Variants in DIAPH2 observed in about 807,000 individuals in gnomAD.
DIAPH2 encodes the protein protein diaphanous homolog 2.
DIAPH2 carries 35 observed loss-of-function variants against 92.7 expected under a neutral mutation model. That is an observed-to-expected ratio of 0.38 (90% CI 0.29 to 0.50). DIAPH2 has a LOEUF of 0.50. Among genes scored for constraint, DIAPH2 ranks in the 20% least tolerant of loss-of-function variants. The pLI, the probability that DIAPH2 is intolerant of heterozygous loss-of-function variation, is 0.94. For synonymous variants in DIAPH2, 301 were observed against 280.4 expected (o/e 1.07, Z -0.73); for missense variants, 701 against 819.5 (o/e 0.86, Z 1.77).
chrX:97,077,618 G>A (rs2066713993), intron 19 of DIAPH2, among the ~76,000 whole-genome samples: 1 of 111,773 alleles, frequency 8.9e-6, no homozygotes, highest in African/African-American at 3.3e-5. Flanking sequence ...TGGGTCAATA[G>A]GCTCTTGCTG....
At chrX:97,222,800 G>A (rs1036581901) in intron 22 of DIAPH2, among the ~76,000 whole-genome samples, 30 of 111,306 alleles carry the variant, frequency 2.7e-4, no homozygotes, top group Middle Eastern at 4.7e-3. Flanking sequence ...GGAGATTATA[G>A]TTTGGTTTGT....
chrX:97,408,897 C>T (rs1226312053), intron 25 of DIAPH2, among the ~76,000 whole-genome samples: 1 of 111,527 alleles, frequency 9.0e-6, no homozygotes, highest in Non-Finnish European at 1.9e-5. Context: ...GTTGAAGAAG[C>T]CAAAGAAAAA....
At chrX:96,787,281 AGG>A in intron 4 of DIAPH2, among the ~76,000 whole-genome samples, 1 of 111,823 alleles carries the variant, frequency 8.9e-6, no homozygotes, top group Non-Finnish European at 1.9e-5. Flanking sequence ...TATTAGTTTC[AGG>A]TAATTTAAAT....
chrX:97,107,263 C>T (rs1229030751), intron 20 of DIAPH2, among the ~76,000 whole-genome samples: 2 of 111,354 alleles, frequency 1.8e-5, no homozygotes, highest in Non-Finnish European at 3.8e-5. Flanking sequence ...CCACTGCACC[C>T]AGCCTACATC....
At chrX:96,897,028 G>A (rs1003615595) in intron 5 of DIAPH2, among the ~76,000 whole-genome samples, 2 of 111,429 alleles carry the variant, frequency 1.8e-5, no homozygotes, top group African/African-American at 6.5e-5. Context: ...TTGAATATTC[G>A]TTGTATTTAT....
At chrX:97,300,931 TAAAAAAAAAA>T (rs774601881) in intron 23 of DIAPH2, among the ~76,000 whole-genome samples, 1 of 10,798 alleles carries the variant, frequency 9.3e-5, no homozygotes, top group Non-Finnish European at 1.6e-4. Context: ...GACTCCGTCT[TAAAAAAAAAA>T]AAAAAAAAAA....
chrX:97,510,353 GTTGT>G (rs1413137263), intron 26 of DIAPH2, among the ~76,000 whole-genome samples: 31 of 111,570 alleles, frequency 2.8e-4, no homozygotes, highest in Non-Finnish European at 4.9e-4. Context: ...TTTTGATGGT[GTTGT>G]TTGTTTTTTT....
chrX:96,829,596 T>C (rs1389939380), intron 4 of DIAPH2, among the ~76,000 whole-genome samples: 4 of 110,482 alleles, frequency 3.6e-5, no homozygotes, highest in African/African-American at 1.3e-4. Flanking sequence ...TGGGTTCAAG[T>C]GAATCTCCTG....
At chrX:97,581,110 C>A (rs1259023600) in intron 26 of DIAPH2, among the ~76,000 whole-genome samples, 1 of 103,446 alleles carries the variant, frequency 9.7e-6, no homozygotes, top group Non-Finnish European at 2.0e-5. Context: ...TTGATCCTTT[C>A]AAAAAACCAG....
rs746741836 is a variant in DIAPH2, at chrX:97,141,718, C to T, written c.2643C>T (p.Ala881=). Residue 881 remains alanine (A), a synonymous_variant, in exon 22 of 27, where the codon GCC becomes GCT. Coordinates refer to ENST00000324765, the MANE Select transcript of DIAPH2 (RefSeq NM_006729.5). The part of the protein sequence containing the change: ...DQKTTLLHFI[A]DICEEKYRDI... ...AAACAACCCTTTTGCATTTTATTGC[C>T]GACATTTGTGAGGAAAAATATCGAG... The T allele has an allele frequency of 1.2e-5, 15 of 1,203,950 alleles. No individual in the cohort carries two copies. Among genetic ancestry groups the T allele is most frequent in the East Asian group, 6.0e-5 (2 of 33,445 alleles).
intron 26 of DIAPH2, among the ~76,000 whole-genome samples, chrX:97,559,354 G>A (rs186318157): frequency 1.9e-3 from 205 of 110,618 alleles, no homozygotes; most frequent in African/African-American, 6.4e-3. Context: ...GCTGGGCGTG[G>A]TGGTGCGCGC....
At chrX:97,555,633 T>C (rs924374177) in intron 26 of DIAPH2, among the ~76,000 whole-genome samples, 1 of 111,629 alleles carries the variant, frequency 9.0e-6, no homozygotes, top group Middle Eastern at 4.6e-3. Flanking sequence ...GGAAAAAAGA[T>C]AGTAAGGTAG....
At chrX:97,535,036 G>C (rs1381711970) in intron 26 of DIAPH2, among the ~76,000 whole-genome samples, 1 of 111,739 alleles carries the variant, frequency 8.9e-6, no homozygotes, top group African/African-American at 3.3e-5. Flanking sequence ...CAGAAACAAG[G>C]AAAGTTTAAG....
intron 4 of DIAPH2, among the ~76,000 whole-genome samples, chrX:96,831,095 G>A (rs2064851744): frequency 8.9e-6 from 1 of 111,768 alleles, no homozygotes; most frequent in Non-Finnish European, 1.9e-5. Flanking sequence ...GACATACCCA[G>A]TCTTTTCCAC....
intron 26 of DIAPH2, among the ~76,000 whole-genome samples, chrX:97,552,912 C>G (rs917065589): frequency 5.4e-5 from 6 of 111,480 alleles, no homozygotes; most frequent in African/African-American, 2.0e-4. Flanking sequence ...TTCTTCTGAG[C>G]CCTCTGTCCT....
At chrX:96,949,867 GA>G (rs372037656) in intron 15 of DIAPH2, among the ~76,000 whole-genome samples, 10,673 of 71,291 alleles carry the variant, frequency 0.15, 849 homozygotes, top group African/African-American at 0.31. Flanking sequence ...CTGAAAAAAA[GA>G]AAAAAAAAAA....
intron 1 of DIAPH2, among the ~76,000 whole-genome samples, chrX:96,725,116 A>G (rs1283348148): frequency 8.9e-6 from 1 of 112,197 alleles, no homozygotes; most frequent in African/African-American, 3.2e-5. Context: ...CTTTGCCCCA[A>G]ATCATAAAAA....
At chrX:96,883,995 G>T (rs937473962) in intron 5 of DIAPH2, 2 of 208,417 alleles carry the variant, frequency 9.6e-6, no homozygotes, top group African/African-American at 5.9e-5. Context: ...GCTTTGACCA[G>T]CTAAGCAACA....
chrX:97,418,262 TGAAA>T (rs2147767504), intron 25 of DIAPH2, among the ~76,000 whole-genome samples: 1 of 112,294 alleles, frequency 8.9e-6, no homozygotes, highest in African/African-American at 3.2e-5. Context: ...AATTTTATAA[TGAAA>T]GAAAGAAGAA....
Sources: gnomAD v4.1 joint callset for allele counts (sites outside exome capture counted in the v4.1 genomes callset) on GRCh38, gnomAD v4.1.1 for gene constraint, MANE v1.5 for transcripts, NCBI Gene and HGNC (gene_info 2026-07-23, HGNC 2026-07-21) for gene names.